The following IQCH variants were observed in gnomAD, a reference collection of about 807,000 sequenced individuals.
IQCH encodes IQ domain-containing protein H.
A neutral mutation model predicts 117.0 loss-of-function variants in IQCH; 98 were observed. That is an observed-to-expected ratio of 0.84 (90% CI 0.71 to 0.99). The LOEUF is 0.99. Among genes scored for constraint, IQCH ranks in the 50% least tolerant of loss-of-function variants. IQCH has a pLI of 0.00. For synonymous variants in IQCH, 412 were observed against 448.2 expected (o/e 0.92, Z 1.02); for missense variants, 1,102 against 1,243.8 (o/e 0.89, Z 1.72).
chr15:67,260,286 A>G (rs950059623), intron 1 of IQCH, among the ~76,000 whole-genome samples: 1 of 152,212 alleles, frequency 6.6e-6, no homozygotes, highest in Non-Finnish European at 1.5e-5. Context: ...TTCAAATTTC[A>G]TAGGGCCCAT....
At chr15:67,444,058 G>A (rs1316916714) in intron 16 of IQCH, among the ~76,000 whole-genome samples, 1 of 151,814 alleles carries the variant, frequency 6.6e-6, no homozygotes. Flanking sequence ...GCACTGGATT[G>A]ATAGTGACTT....
At position 67,369,986 on chromosome 15, in the gene IQCH, A is replaced by G. The variant is rs1284198150; in HGVS notation, c.754-2125A>G. Among the ~76,000 whole-genome samples the G allele has an allele frequency of 6.6e-6, 1 of 152,176 alleles. No individual in the cohort carries two copies. Among genetic ancestry groups the G allele is most frequent in the Non-Finnish European group, 1.5e-5 (1 of 68,024 alleles). Reference sequence around the variant, plus strand: ...TTTGAGAGCAGGTCTTTGCTGGAATATCATCCAAGAAGGTAGAAAGGTGTA... The same window carrying G: ...TTTGAGAGCAGGTCTTTGCTGGAATGTCATCCAAGAAGGTAGAAAGGTGTA... On this transcript the variant is annotated intron_variant, in intron 8 of 20. Coordinates refer to ENST00000335894, the MANE Select transcript of IQCH (RefSeq NM_001031715.3). This position sits in a 1 kb window ranked among gnomAD's most constrained non-coding sequence, Gnocchi z 5.2.
In IQCH at chr15:67,261,128, A is replaced by G. The variant is rs1596049267; in HGVS notation, c.52-144A>G. 3.0e-5 allele frequency: 15 copies of G among 500,996 alleles called. No individual in the cohort carries two copies. The East Asian group carries it at 5.5e-4, about 18-fold the overall frequency. The allele number at this position is 500,996 out of a possible 1,614,324, so 31.0% of individuals were successfully genotyped here. A position where few individuals can be genotyped will look rare whatever the true frequency, so the allele number is the denominator to read the frequency against. On this transcript the variant is annotated intron_variant, in intron 1 of 20. Coordinates refer to ENST00000335894, the MANE Select transcript of IQCH (RefSeq NM_001031715.3). ...AAAAAAAGAATGCCTTACAACCGTA[A>G]AAGTGGTCCTTTTCAATGAATACCA...
intron 6 of IQCH, among the ~76,000 whole-genome samples, chr15:67,357,120 G>C (rs539013232): frequency 6.6e-6 from 1 of 152,082 alleles, no homozygotes; most frequent in Admixed American, 6.5e-5. Context: ...TGCATAAGGC[G>C]GGCTGACTTT....
chr15:67,348,225 A>C (rs900059752), intron 6 of IQCH, among the ~76,000 whole-genome samples: 1 of 152,154 alleles, frequency 6.6e-6, no homozygotes, highest in Non-Finnish European at 1.5e-5. Context: ...ACTTCTATTC[A>C]ACATTGTACT....
At chr15:67,368,704 A>T (rs1454711305) in intron 8 of IQCH, among the ~76,000 whole-genome samples, 2 of 152,348 alleles carry the variant, frequency 1.3e-5, no homozygotes, top group Non-Finnish European at 2.9e-5. Flanking sequence ...GATGATATCC[A>T]TGTGGTATTA....
chr15:67,288,816 G>C (rs560624961), intron 4 of IQCH, among the ~76,000 whole-genome samples: 6 of 152,110 alleles, frequency 3.9e-5, no homozygotes, highest in Non-Finnish European at 8.8e-5. Flanking sequence ...TATGTTGAGG[G>C]AGATAGACAA....
intron 15 of IQCH, among the ~76,000 whole-genome samples, chr15:67,420,420 G>A (rs2081705755): frequency 6.6e-6 from 1 of 152,234 alleles, no homozygotes; most frequent in Non-Finnish European, 1.5e-5. Flanking sequence ...GTTCTAGACG[G>A]CACCCTATCT....
intron 6 of IQCH, among the ~76,000 whole-genome samples, chr15:67,347,810 T>G (rs966172694): frequency 2.1e-5 from 3 of 144,372 alleles, no homozygotes; most frequent in Non-Finnish European, 3.0e-5. Flanking sequence ...TATATATATA[T>G]ATAGATATAT....
At position 67,321,038 on chromosome 15, in the gene IQCH, A is replaced by G. The variant is rs571638226; in HGVS notation, c.388-15937A>G. 9.8e-5 allele frequency among the ~76,000 whole-genome samples: 15 copies of G among 152,316 alleles called. No homozygotes were observed. In the South Asian group the frequency reaches 1.2e-3, roughly 13 times the overall value. Reference sequence around the variant, plus strand: ...CACAGAACTATATTCGGAGGAACACACTTTAGGAAATTTTGCTTAAGTGCT... The same window carrying G: ...CACAGAACTATATTCGGAGGAACACGCTTTAGGAAATTTTGCTTAAGTGCT... On this transcript the variant is annotated intron_variant, in intron 4 of 20. Transcript: ENST00000335894.
intron 16 of IQCH, among the ~76,000 whole-genome samples, chr15:67,464,027 G>A (rs1170528833): frequency 6.6e-6 from 1 of 152,120 alleles, no homozygotes; most frequent in Non-Finnish European, 1.5e-5. Flanking sequence ...ATTTTTAGTA[G>A]AGATGACATT....
In IQCH at chr15:67,432,882, C is replaced by T. The variant is rs546192367; in HGVS notation, c.2505+11305C>T. ...AATGAATGAATACTTCTCTAAATCC[C>T]CCTCTAGTACTCTCATTTGCAAGAT... On this transcript the variant is annotated intron_variant, in intron 16 of 20. Coordinates refer to ENST00000335894, the MANE Select transcript of IQCH (RefSeq NM_001031715.3). This position sits in a 1 kb window ranked among gnomAD's most constrained non-coding sequence, Gnocchi z 5.0. Among the ~76,000 whole-genome samples, 5 of 152,156 alleles carry T rather than the reference C, an allele frequency of 3.3e-5. No individual in the cohort carries two copies. The highest frequency in any genetic ancestry group is 1.2e-4 in the African/African-American group (5 of 41,508).
Position 67,426,234 on chromosome 15 carries a change from C to A in IQCH, c.2505+4657C>A, listed in dbSNP as rs1309231706. The stretch of plus-strand genomic sequence containing the variant: ...GTACATGTATTACGTAGGTACAATA[C>A]ATACACACAGTTATACACACATATA... On this transcript the variant is annotated intron_variant, in intron 16 of 20. Transcript: ENST00000335894. The surrounding 1 kb of genome is among the most constrained non-coding windows in gnomAD (Gnocchi z 5.1). Among the ~76,000 whole-genome samples, 1 of 152,180 alleles carries A rather than the reference C, an allele frequency of 6.6e-6. No individual in the cohort carries two copies. Among genetic ancestry groups the A allele is most frequent in the Middle Eastern group, 3.2e-3 (1 of 314 alleles).
intron 16 of IQCH, among the ~76,000 whole-genome samples, chr15:67,460,674 G>A (rs1403432712): frequency 6.6e-6 from 1 of 152,080 alleles, no homozygotes; most frequent in Non-Finnish European, 1.5e-5. Context: ...TCAAACAACT[G>A]GCAACAAGTG....
At chr15:67,397,383 T>A in intron 13 of IQCH, among the ~76,000 whole-genome samples, 1 of 152,226 alleles carries the variant, frequency 6.6e-6, no homozygotes, top group East Asian at 1.9e-4. Context: ...ACACATCAGA[T>A]TTGAGAGATG....
Position 67,385,338 on chromosome 15 carries a change from G to A in IQCH, c.1456+319G>A, listed in dbSNP as rs1352278373. Among the ~76,000 whole-genome samples, 1 of 152,074 alleles carries A rather than the reference G, an allele frequency of 6.6e-6. No individual in the cohort carries two copies. Among genetic ancestry groups the A allele is most frequent in the African/African-American group, 2.4e-5 (1 of 41,410 alleles). On this transcript the variant is annotated intron_variant, in intron 11 of 20. Transcript: ENST00000335894. This position sits in a 1 kb window ranked among gnomAD's most constrained non-coding sequence, Gnocchi z 4.6. ...TTTACTGAATCTTACAGTGAGTGAA[G>A]TCAAAGTTTTACATTTGTGTCAGTC...
intron 13 of IQCH, among the ~76,000 whole-genome samples, chr15:67,399,423 T>C (rs1478646262): frequency 6.6e-6 from 1 of 151,878 alleles, no homozygotes; most frequent in African/African-American, 2.4e-5. Flanking sequence ...GGAGTACTGT[T>C]CTATCCCTTA....
In IQCH at chr15:67,445,833, T is replaced by C. The variant is rs759160758; in HGVS notation, c.2506-19294T>C. Among the ~76,000 whole-genome samples the C allele has an allele frequency of 3.3e-5, 5 of 152,108 alleles. No homozygotes were observed. Among genetic ancestry groups the C allele is most frequent in the Admixed American group, 2.0e-4 (3 of 15,264 alleles). ...GCTTGATCAGGTAGTCAGGAACCAATAGAAGTCCAAATAATGCAACAAAAT... is the reference window on the plus strand; with the variant it reads ...GCTTGATCAGGTAGTCAGGAACCAACAGAAGTCCAAATAATGCAACAAAAT... On this transcript the variant is annotated intron_variant, in intron 16 of 20. Transcript: ENST00000335894. The surrounding 1 kb of genome is among the most constrained non-coding windows in gnomAD (Gnocchi z 4.3).
At chr15:67,306,566 C>G (rs1054295954) in intron 4 of IQCH, among the ~76,000 whole-genome samples, 1 of 152,096 alleles carries the variant, frequency 6.6e-6, no homozygotes, top group Non-Finnish European at 1.5e-5. Flanking sequence ...AAGCTGGTAT[C>G]TTCTCCATCT....
Sources: gnomAD v4.1 joint callset for allele counts (sites outside exome capture counted in the v4.1 genomes callset) on GRCh38, gnomAD v4.1.1 for gene constraint, Gnocchi (gnomAD v3.1) non-coding constraint, MANE v1.5 for transcripts, NCBI Gene and HGNC (gene_info 2026-07-23, HGNC 2026-07-21) for gene names.